The following DNAH7 variants were observed in gnomAD, a reference collection of about 807,000 sequenced individuals.
DNAH7 encodes the protein dynein axonemal heavy chain 7.
In DNAH7, 397 loss-of-function variants were observed where a neutral mutation model predicts 444.6. The ratio of observed to expected loss-of-function variants is 0.89; its 90% confidence interval spans 0.82 to 0.97. The LOEUF is 0.97. Ranked by LOEUF, DNAH7 falls within the 50% of genes least tolerant of loss-of-function variation. The pLI, the probability that DNAH7 is intolerant of heterozygous loss-of-function variation, is 0.00. For missense variants in DNAH7, 4,902 were observed against 4,800.8 expected (o/e 1.02, Z -0.62); for synonymous variants, 1,636 against 1,624.4 (o/e 1.01, Z -0.17).
At chr2:195,805,077 A>G (rs916911828) in intron 54 of DNAH7, among the ~76,000 whole-genome samples, 2 of 152,176 alleles carry the variant, frequency 1.3e-5, no homozygotes, top group African/African-American at 4.8e-5. Flanking sequence ...TATACTTTAA[A>G]AAGAGAGTGA....
intron 63 of DNAH7, among the ~76,000 whole-genome samples, chr2:195,742,000 T>G (rs1295186624): frequency 1.3e-5 from 2 of 152,182 alleles, no homozygotes; most frequent in African/African-American, 4.8e-5. Flanking sequence ...GACTTACCCT[T>G]TCTCTTCTCT....
At chr2:196,032,353 C>T (rs1201443983) in intron 5 of DNAH7, among the ~76,000 whole-genome samples, 1 of 151,920 alleles carries the variant, frequency 6.6e-6, no homozygotes, top group Non-Finnish European at 1.5e-5. Flanking sequence ...AGAGGACAGA[C>T]GAAACAGTTT....
chr2:196,000,147 A>T (rs571698577), intron 12 of DNAH7, among the ~76,000 whole-genome samples: 105 of 152,300 alleles, frequency 6.9e-4, no homozygotes, highest in African/African-American at 2.5e-3. Flanking sequence ...AAGTTATTTT[A>T]AAAATACAAA....
At chr2:196,003,379 A>C (rs1694166960) in intron 10 of DNAH7, among the ~76,000 whole-genome samples, 1 of 152,192 alleles carries the variant, frequency 6.6e-6, no homozygotes, top group African/African-American at 2.4e-5. Flanking sequence ...AACTGGAAAG[A>C]GGACAAATAC....
At chr2:195,925,358 T>C (rs1688264975) in intron 22 of DNAH7, among the ~76,000 whole-genome samples, 1 of 152,026 alleles carries the variant, frequency 6.6e-6, no homozygotes, top group East Asian at 1.9e-4. Flanking sequence ...TGGTGGTTGG[T>C]GAGTGGTAGC....
At chr2:195,844,051 G>A (rs192308148) in intron 47 of DNAH7, among the ~76,000 whole-genome samples, 3,448 of 151,876 alleles carry the variant, frequency 0.023, 54 homozygotes, top group Non-Finnish European at 0.03. Context: ...AGCCAAGATC[G>A]CACCACTGCA....
chr2:195,971,792 G>A (rs1691861387), intron 16 of DNAH7, among the ~76,000 whole-genome samples: 1 of 151,914 alleles, frequency 6.6e-6, no homozygotes, highest in Non-Finnish European at 1.5e-5. Context: ...AAAAAAGCTG[G>A]AGTTACTGAA....
chr2:196,057,404 A>C (rs1404704827), intron 2 of DNAH7, among the ~76,000 whole-genome samples: 1 of 152,230 alleles, frequency 6.6e-6, no homozygotes, highest in Non-Finnish European at 1.5e-5. Flanking sequence ...AGAATTTGTC[A>C]AATTTTTTAA....
chr2:195,896,473 T>C (rs1702326298), intron 29 of DNAH7, among the ~76,000 whole-genome samples: 1 of 152,192 alleles, frequency 6.6e-6, no homozygotes, highest in African/African-American at 2.4e-5. Context: ...CTAGAAATGT[T>C]AGAGCTTGAG....
chr2:195,944,974 T>C (rs1260759210), intron 19 of DNAH7, among the ~76,000 whole-genome samples: 1 of 151,934 alleles, frequency 6.6e-6, no homozygotes, highest in Admixed American at 6.6e-5. Context: ...TTGTTCATTC[T>C]GGAAGTCTAA....
At chr2:196,067,629 T>G (rs1367357425) in intron 1 of DNAH7, among the ~76,000 whole-genome samples, 1 of 152,216 alleles carries the variant, frequency 6.6e-6, no homozygotes, top group East Asian at 1.9e-4. Context: ...ACTTATTTGA[T>G]GAACTAACCA....
At chr2:195,774,016 C>T (rs1050657215) in intron 60 of DNAH7, among the ~76,000 whole-genome samples, 1 of 152,206 alleles carries the variant, frequency 6.6e-6, no homozygotes, top group African/African-American at 2.4e-5. Context: ...TGAACTACTG[C>T]TCACCCATAA....
At chr2:196,068,469 G>T (rs2125913503) in intron 1 of DNAH7, 2 of 576,582 alleles carry the variant, frequency 3.5e-6, no homozygotes, top group African/African-American at 3.8e-5. Context: ...GCCGCTAGGC[G>T]GCTAGGTTTG....
chr2:195,799,633 C>T (rs1483384384), intron 54 of DNAH7, among the ~76,000 whole-genome samples, 161 bp from the exon 55 acceptor site: 3 of 151,864 alleles, frequency 2.0e-5, no homozygotes, highest in Admixed American at 6.6e-5. Context: ...TATATAAATG[C>T]CTTTTAGATA....
intron 19 of DNAH7, among the ~76,000 whole-genome samples, chr2:195,945,865 G>A (rs1487092714): frequency 1.3e-5 from 2 of 152,154 alleles, no homozygotes; most frequent in Admixed American, 6.6e-5. Flanking sequence ...CCAAGTTTGG[G>A]GGTGAAATGC....
intron 10 of DNAH7, among the ~76,000 whole-genome samples, chr2:196,004,784 A>T (rs72917263): frequency 0.19 from 17,978 of 97,166 alleles, 1,307 homozygotes; most frequent in Middle Eastern, 0.32. Context: ...GGTCTGTCTC[A>T]CACACACACA....
At chr2:196,057,732 AAACTC>A (rs1697895656) in intron 2 of DNAH7, among the ~76,000 whole-genome samples, 1 of 152,192 alleles carries the variant, frequency 6.6e-6, no homozygotes, top group Admixed American at 6.5e-5. Flanking sequence ...AACTCCACTT[AAACTC>A]AACTTCTGTA....
At position 195,794,521 on chromosome 2, in the gene DNAH7, T is replaced by TG; in HGVS notation, c.10532dup (p.Thr3512AsnfsTer31). ...GCCACATTCGGAAATCTGGATGTGTTGACTCTGGGCTTAACTCCTGTAAGA... is the reference window on the plus strand; with the variant it reads ...GCCACATTCGGAAATCTGGATGTGTTGGACTCTGGGCTTAACTCCTGTAAGA... On this transcript the variant is annotated frameshift_variant, in exon 57 of 65. Coordinates refer to ENST00000312428, the MANE Select transcript of DNAH7 (RefSeq NM_018897.3). LOFTEE classifies it high-confidence loss of function. 6.2e-7 allele frequency: 1 copy of TG among 1,614,130 alleles called. No homozygotes were observed. Among genetic ancestry groups the TG allele is most frequent in the Non-Finnish European group, 8.5e-7 (1 of 1,179,976 alleles).
At position 195,926,546 on chromosome 2, in the gene DNAH7, A is replaced by C; in HGVS notation, c.3492T>G (p.Phe1164Leu). 1 of 1,600,680 alleles carries C rather than the reference A, an allele frequency of 6.2e-7. No individual in the cohort carries two copies. The highest frequency in any genetic ancestry group is 8.5e-7 in the Non-Finnish European group (1 of 1,175,104). The stretch of plus-strand genomic sequence containing the variant: ...TAATTCGTTCATATTTTGTATAGGC[A>C]AAAGTTGCATCTCCAGTTACCTAAT... ...SIHKVTGDATFAYTKYERINW... is the reference protein window; with the variant it reads ...SIHKVTGDATLAYTKYERINW... Residue 1164 changes from phenylalanine (F) to leucine (L), a missense_variant, in exon 22 of 65, where the codon TTT (phenylalanine) becomes TTG (leucine). Phe to Leu is a conservative substitution (Grantham distance 22). Coordinates refer to ENST00000312428, the MANE Select transcript of DNAH7 (RefSeq NM_018897.3).
Sources: allele counts gnomAD v4.1 joint callset (sites outside exome capture counted in the v4.1 genomes callset), GRCh38; gene constraint gnomAD v4.1.1; transcripts MANE v1.5; gene names NCBI Gene and HGNC (gene_info 2026-07-23, HGNC 2026-07-21).